The following ABL2 variants were observed in gnomAD, a reference collection of about 807,000 sequenced individuals.
The protein encoded by ABL2 is ABL proto-oncogene 2, non-receptor tyrosine kinase.
ABL2 carries 49 observed loss-of-function variants against 107.7 expected under a neutral mutation model. That is an observed-to-expected ratio of 0.45 (90% CI 0.36 to 0.58). ABL2 has a LOEUF of 0.58. Among genes scored for constraint, ABL2 ranks in the 20% least tolerant of loss-of-function variants. The pLI is 0.00. For synonymous variants in ABL2, 549 were observed against 548.6 expected (o/e 1.00, Z -0.01); for missense variants, 1,245 against 1,457.0 (o/e 0.85, Z 2.37).
intron 1 of ABL2, among the ~76,000 whole-genome samples, chr1:179,216,280 A>G (rs1662559486): frequency 6.6e-6 from 1 of 152,250 alleles, no homozygotes; most frequent in Non-Finnish European, 1.5e-5. Context: ...TTTAATGTGT[A>G]TTTATCCATG....
intron 1 of ABL2, among the ~76,000 whole-genome samples, chr1:179,212,295 A>C (rs1171688797): frequency 2.6e-5 from 4 of 152,190 alleles, no homozygotes; most frequent in African/African-American, 9.7e-5. Flanking sequence ...AAACCACATC[A>C]TCCTACTTGC....
chr1:179,192,398 A>G (rs1277110288), intron 1 of ABL2, among the ~76,000 whole-genome samples: 1 of 152,242 alleles, frequency 6.6e-6, no homozygotes, highest in Non-Finnish European at 1.5e-5. Flanking sequence ...TCTCCATAAC[A>G]TCCTATAAAA....
In ABL2 at chr1:179,180,380, G is replaced by C. The variant is rs576186764; in HGVS notation, c.158-47006C>G. ...CAGAGTTGTATATACCCTGACTCAG[G>C]CTTTCTTATACGTTCCCTCTGAGGA... On this transcript the variant is annotated intron_variant, in intron 1 of 11. Transcript: ENST00000502732. Among the ~76,000 whole-genome samples the C allele has an allele frequency of 5.9e-5, 9 of 152,292 alleles. No individual in the cohort carries two copies. In the East Asian group the frequency reaches 1.7e-3, roughly 29 times the overall value.
intron 1 of ABL2, 36 bp downstream of exon 1, chr1:179,229,205 C>CCCCCCCCCCCCA: frequency 6.8e-7 from 1 of 1,461,772 alleles, no homozygotes; most frequent in Non-Finnish European, 9.1e-7. Flanking sequence ...CCCCGGCCTC[C>CCCCCCCCCCCCA]CCCACGCTCT....
At chr1:179,165,786 G>T (rs1659339833) in intron 1 of ABL2, among the ~76,000 whole-genome samples, 1 of 144,138 alleles carries the variant, frequency 6.9e-6, no homozygotes, top group African/African-American at 2.6e-5. Context: ...ATCCCAGCCA[G>T]ACACAAGACT....
intron 1 of ABL2, among the ~76,000 whole-genome samples, chr1:179,223,178 C>T (rs1473669867): frequency 6.7e-6 from 1 of 150,270 alleles, no homozygotes; most frequent in Admixed American, 6.6e-5. Flanking sequence ...CTTTGGGAGG[C>T]CAAGGTGGGA....
intron 1 of ABL2, among the ~76,000 whole-genome samples, chr1:179,178,359 G>A (rs1285211297): frequency 7.4e-6 from 1 of 135,290 alleles, no homozygotes; most frequent in East Asian, 2.2e-4. Flanking sequence ...CCGAGATCCC[G>A]CCACTGCATT....
chr1:179,110,948 T>G, intron 10 of ABL2: 4 of 1,475,272 alleles, frequency 2.7e-6, no homozygotes, highest in Non-Finnish European at 3.7e-6. Flanking sequence ...TTACTCTGCA[T>G]GCTTGCTAAA....
At chr1:179,220,247 T>C (rs1440926373) in intron 1 of ABL2, among the ~76,000 whole-genome samples, 2 of 152,164 alleles carry the variant, frequency 1.3e-5, no homozygotes, top group Non-Finnish European at 1.5e-5. Context: ...TATTTCAGAG[T>C]AGTTGTAAAG....
At chr1:179,209,252 GAC>G (rs539883028) in intron 1 of ABL2, among the ~76,000 whole-genome samples, 89 of 152,176 alleles carry the variant, frequency 5.8e-4, no homozygotes, top group Non-Finnish European at 1.1e-3. Context: ...TATCTCTGAA[GAC>G]ACAGGGACAT....
At chr1:179,171,089 T>C (rs1659690633) in intron 1 of ABL2, among the ~76,000 whole-genome samples, 1 of 152,234 alleles carries the variant, frequency 6.6e-6, no homozygotes, top group South Asian at 2.1e-4. Context: ...AAATAATCTG[T>C]ATTAGCATAA....
intron 1 of ABL2, among the ~76,000 whole-genome samples, chr1:179,190,961 A>G (rs988528023): frequency 4.6e-5 from 7 of 152,172 alleles, no homozygotes; most frequent in African/African-American, 1.7e-4. Flanking sequence ...AATGGAGTTG[A>G]GAGGAAAAAG....
chr1:179,110,258 T>C (rs1346420270), intron 11 of ABL2, 24 bp downstream of exon 11: 1 of 1,613,552 alleles, frequency 6.2e-7, no homozygotes, highest in African/African-American at 1.3e-5. Flanking sequence ...TCTATTTTGA[T>C]TCTACCTGCT....
At chr1:179,166,374 C>T (rs1400714109) in intron 1 of ABL2, among the ~76,000 whole-genome samples, 1 of 122,282 alleles carries the variant, frequency 8.2e-6, no homozygotes, top group African/African-American at 3.2e-5. Flanking sequence ...TCAGAATATA[C>T]AAAGAATTCA....
chr1:179,166,072 C>A (rs781142832), intron 1 of ABL2, among the ~76,000 whole-genome samples: 2 of 152,140 alleles, frequency 1.3e-5, no homozygotes, highest in Non-Finnish European at 2.9e-5. Context: ...GCTGGGATTA[C>A]AGGCATGAGC....
intron 1 of ABL2, among the ~76,000 whole-genome samples, chr1:179,158,160 G>A (rs1192451114): frequency 6.6e-6 from 1 of 152,102 alleles, no homozygotes; most frequent in Non-Finnish European, 1.5e-5. Context: ...ACTAGGATTG[G>A]GGACAGGAAA....
rs375901983 is a variant in ABL2 at position 179,109,393 on chromosome 1, C to T, written c.1874G>A (p.Arg625Gln). 3.5e-4 allele frequency: 564 copies of T among 1,613,928 alleles called. 3 individuals are homozygous for T. In the South Asian group the frequency reaches 5.6e-3, roughly 16 times the overall value. Residue 625 changes from arginine (R) to glutamine (Q), a missense_variant, in exon 12 of 12, where the codon CGA (arginine) becomes CAA (glutamine). By Grantham distance (43) the Arg-to-Gln change is conservative. Coordinates refer to ENST00000502732, the MANE Select transcript of ABL2 (RefSeq NM_007314.4). ...QASSGSPALP[R>Q]KQRDKSPSSL... ...GCTGGGTGACTTGTCTCTTTGCTTT[C>T]GAGGCAGTGCTGGGGATCCACTAGA...
Position 179,105,442 on chromosome 1 carries a change from T to TA in ABL2, c.*2275dup. 2 of 230,952 alleles carry TA rather than the reference T, an allele frequency of 8.7e-6. No homozygotes were observed. The highest frequency in any genetic ancestry group is 5.6e-5 in the Admixed American group (1 of 17,742). 14.3% of individuals were successfully genotyped at this position (230,952 alleles called of 1,614,324 possible). On this transcript the variant is annotated 3_prime_UTR_variant, in exon 12 of 12. Coordinates refer to ENST00000502732, the MANE Select transcript of ABL2 (RefSeq NM_007314.4). Reference sequence around the variant, plus strand: ...GTTTTAGCTTTCCCATCCTCGACCTTAAAAGGCTAGCTGCTAAAACGAGTT... The same window carrying TA: ...GTTTTAGCTTTCCCATCCTCGACCTTAAAAAGGCTAGCTGCTAAAACGAGTT...
chr1:179,142,975 G>T lies in ABL2; in HGVS notation c.158-9601C>A, dbSNP rs202125612. 4,414 of 1,614,160 alleles carry T rather than the reference G, an allele frequency of 2.7e-3. 144 individuals carry two copies. The South Asian group carries it at 0.046, about 17-fold the overall frequency. On this transcript the variant is annotated intron_variant, in intron 1 of 11. Transcript: ENST00000502732. ...GCAGATTCTGAGGCCTCAGTGCACA[G>T]GCAGCAAAGTGAAGTGTCCTGATCT...
Sources: allele counts gnomAD v4.1 joint callset (sites outside exome capture counted in the v4.1 genomes callset), GRCh38; gene constraint gnomAD v4.1.1; transcripts MANE v1.5; gene names NCBI Gene and HGNC (gene_info 2026-07-23, HGNC 2026-07-21).